The following PCMTD2 variants were observed in gnomAD, a reference collection of about 807,000 sequenced individuals.
PCMTD2 encodes the protein protein-L-isoaspartate (D-aspartate) O-methyltransferase domain containing 2.
A neutral mutation model predicts 33.4 loss-of-function variants in PCMTD2; 16 were observed. The ratio of observed to expected loss-of-function variants is 0.48; its 90% CI spans 0.32 to 0.73. The LOEUF (loss-of-function observed/expected upper bound fraction) is 0.73. Ranked by LOEUF, PCMTD2 falls within the 30% of genes least tolerant of loss-of-function variation. The pLI, the probability that PCMTD2 is intolerant of heterozygous loss-of-function variation, is 0.03. For missense variants in PCMTD2, 374 were observed against 449.9 expected (o/e 0.83, Z 1.53); for synonymous variants, 161 against 160.8 (o/e 1.00, Z -0.01).
chr20:64,270,752 A>C (rs958279199), intron 5 of PCMTD2, among the ~76,000 whole-genome samples: 1 of 145,242 alleles, frequency 6.9e-6, no homozygotes, highest in African/African-American at 2.7e-5. Context: ...AGGGCACGTG[A>C]GGTGTTCGTT....
rs772493305 is a variant in PCMTD2 at position 64,264,474 on chromosome 20, T to TA, written c.354dup (p.Glu119ArgfsTer15). The TA allele has an allele frequency of 1.2e-6, 2 of 1,607,854 alleles. No homozygotes were observed. Among genetic ancestry groups the TA allele is most frequent in the Non-Finnish European group, 1.7e-6 (2 of 1,174,330 alleles). ...GGGGTGGAACTTCACTCAGATGTGA[T>TA]AGAGTATGCAAAGCAGAAACTGGAC... On this transcript the variant is annotated frameshift_variant, in exon 3 of 6. Transcript: ENST00000308824. LOFTEE classifies it high-confidence loss of function.
intron 1 of PCMTD2, among the ~76,000 whole-genome samples, chr20:64,257,947 GA>G (rs1211881244): frequency 2.0e-5 from 3 of 152,186 alleles, no homozygotes; most frequent in African/African-American, 4.8e-5. Flanking sequence ...GTGGTACCTG[GA>G]AAAAGGTGCT....
chr20:64,262,275 G>A (rs904597327), intron 2 of PCMTD2, among the ~76,000 whole-genome samples: 1 of 152,010 alleles, frequency 6.6e-6, no homozygotes, highest in African/African-American at 2.4e-5. Flanking sequence ...AAAAAAGTAA[G>A]CCTGAAATGG....
chr20:64,264,965 G>C (rs776172588), intron 3 of PCMTD2, among the ~76,000 whole-genome samples: 3 of 152,360 alleles, frequency 2.0e-5, no homozygotes, highest in Non-Finnish European at 4.4e-5. Flanking sequence ...TCTTACATAA[G>C]ATGATAAGAA....
At chr20:64,269,244 C>T (rs1218869096) in intron 5 of PCMTD2, among the ~76,000 whole-genome samples, 1 of 152,186 alleles carries the variant, frequency 6.6e-6, no homozygotes, top group Non-Finnish European at 1.5e-5. Context: ...ATCAGAATAA[C>T]CTTTTAAGTA....
In PCMTD2 at chr20:64,276,070, T is replaced by C. The variant is rs1008114428; in HGVS notation, c.*2470T>C. On this transcript the variant is annotated 3_prime_UTR_variant, in exon 6 of 6. Transcript: ENST00000308824. Reference sequence around the variant, plus strand: ...TGTGTAGGATTCCAATTCTTGAATATGTTCTTTTCAAAATCTTAAGAAAAG... The same window carrying C: ...TGTGTAGGATTCCAATTCTTGAATACGTTCTTTTCAAAATCTTAAGAAAAG... 5 of 152,228 alleles carry C rather than the reference T, an allele frequency of 3.3e-5. No homozygotes were observed. Among genetic ancestry groups the C allele is most frequent in the African/African-American group, 4.8e-5 (2 of 41,456 alleles). 9.4% of individuals were successfully genotyped at this position (152,228 alleles called of 1,614,324 possible).
intron 2 of PCMTD2, among the ~76,000 whole-genome samples, chr20:64,260,682 T>C (rs1462812545): frequency 6.6e-6 from 1 of 151,984 alleles, no homozygotes; most frequent in African/African-American, 2.4e-5. Flanking sequence ...TTCGGAGTAC[T>C]TCTAAGCAGT....
At chr20:64,264,610 A>G in intron 3 of PCMTD2, 79 bp downstream of exon 3, 1 of 749,144 alleles carries the variant, frequency 1.3e-6, no homozygotes, top group East Asian at 2.5e-5. Context: ...GAAAGAAATC[A>G]TGTGGTAGGA....
At position 64,263,758 on chromosome 20, in the gene PCMTD2, T is replaced by C. The variant is rs567965756; in HGVS notation, c.308-671T>C. Among the ~76,000 whole-genome samples, 5 of 152,330 alleles carry C rather than the reference T, an allele frequency of 3.3e-5. No individual in the cohort carries two copies. The South Asian group carries it at 1.0e-3, about 32-fold the overall frequency. The stretch of plus-strand genomic sequence containing the variant: ...AGTGTTGCATCTTCCAGAAAGGTGA[T>C]GACCGTTTTGCCTTTGTCGGCAAAG... On this transcript the variant is annotated intron_variant, in intron 2 of 5. Coordinates refer to ENST00000308824, the MANE Select transcript of PCMTD2 (RefSeq NM_018257.3).
Position 64,273,799 on chromosome 20 carries a change from T to A in PCMTD2, c.*199T>A. 1 of 442,930 alleles carries A rather than the reference T, an allele frequency of 2.3e-6. No homozygotes were observed. The highest frequency in any genetic ancestry group is 3.3e-5 in the East Asian group (1 of 30,006). The allele number at this position is 442,930 out of a possible 1,614,324, so 27.4% of individuals were successfully genotyped here. A position where few individuals can be genotyped will look rare whatever the true frequency, so the allele number is the denominator to read the frequency against. ...CAGTTGTATGATTTGTTTACATAGT[T>A]CCACAAGACCTTCATTGCATAGAAG... is the stretch of plus-strand genomic sequence containing the variant. On this transcript the variant is annotated 3_prime_UTR_variant, in exon 6 of 6. Transcript: ENST00000308824.
chr20:64,264,531 A>G lies in PCMTD2; in HGVS notation c.410A>G (p.Lys137Arg), dbSNP rs1484766693. 6.8e-7 allele frequency: 1 copy of G among 1,463,272 alleles called. No homozygotes were observed. Among genetic ancestry groups the G allele is most frequent in the Non-Finnish European group, 9.6e-7 (1 of 1,042,948 alleles). The allele number at this position is 1,463,272 out of a possible 1,614,324, so 90.6% of individuals were successfully genotyped here. ...FFIRTSDSFD[K>R]FDFCEPSFVT... The stretch of plus-strand genomic sequence containing the variant: ...ATCAGAACAAGTGATAGTTTTGACA[A>G]GTAAGATGAAATACTATCCATTGGC... The change falls in exon 3 of 6, where the codon AAG becomes AGG. Residue 137 changes from lysine (K) to arginine (R), a missense_variant and splice_region_variant. Coordinates refer to ENST00000308824, the MANE Select transcript of PCMTD2 (RefSeq NM_018257.3).
At chr20:64,260,706 G>GTTT (rs10585176) in intron 2 of PCMTD2, among the ~76,000 whole-genome samples, 16 of 117,572 alleles carry the variant, frequency 1.4e-4, no homozygotes, top group South Asian at 2.7e-4. Context: ...TGTTTTGTTG[G>GTTT]TTTTTTTTTT....
At chr20:64,267,841 ATAG>A (rs1371377254) in intron 4 of PCMTD2, 43 bp from the exon 5 acceptor site, 1 of 1,567,298 alleles carries the variant, frequency 6.4e-7, no homozygotes, top group East Asian at 2.2e-5. Flanking sequence ...TATGAGCTAA[ATAG>A]TAGCCAATTC....
intron 5 of PCMTD2, among the ~76,000 whole-genome samples, chr20:64,270,318 T>C (rs1408202940): frequency 7.0e-6 from 1 of 142,542 alleles, no homozygotes; most frequent in African/African-American, 2.7e-5. Flanking sequence ...ATCGTGTGAG[T>C]GCACAGTGGG....
chr20:64,273,350 G>A lies in PCMTD2; in HGVS notation c.836G>A (p.Arg279Gln), dbSNP rs139861996. ...NGLKNTPRFK[R>Q]RRVRRRRMET... ...CTAAAGAACACCCCCAGGTTTAAAC[G>A]AAGGAGAGTTCGCCGCCGTCGAATG... The change falls in exon 6 of 6, where the codon CGA becomes CAA. Residue 279 changes from arginine (R) to glutamine (Q), a missense_variant. Arg to Gln is a conservative substitution (Grantham distance 43). Coordinates refer to ENST00000308824, the MANE Select transcript of PCMTD2 (RefSeq NM_018257.3). 2.1e-4 allele frequency: 342 copies of A among 1,614,148 alleles called. No individual in the cohort carries two copies. In the East Asian group the frequency reaches 3.0e-3, roughly 14 times the overall value.
At chr20:64,269,089 T>C (rs73327779) in intron 5 of PCMTD2, among the ~76,000 whole-genome samples, 15,542 of 152,146 alleles carry the variant, frequency 0.1, 1,613 homozygotes, top group African/African-American at 0.26. Flanking sequence ...ACTACTGGTA[T>C]GTAGGTTAGA....
intron 4 of PCMTD2, 132 bp from the exon 5 acceptor site, chr20:64,267,755 G>A: frequency 1.4e-6 from 1 of 706,390 alleles, no homozygotes; most frequent in Non-Finnish European, 2.3e-6. Flanking sequence ...TCACATTAGG[G>A]GTCCGTATGT....
At position 64,260,249 on chromosome 20, in the gene PCMTD2, G is replaced by C. The variant is rs1233542276; in HGVS notation, c.284G>C (p.Ser95Thr). 1 of 1,612,140 alleles carries C rather than the reference G, an allele frequency of 6.2e-7. No individual in the cohort carries two copies. The highest frequency in any genetic ancestry group is 1.7e-5 in the Admixed American group (1 of 60,010). The change falls in exon 2 of 6, where the codon AGC becomes ACC. Residue 95 changes from serine to threonine, a missense_variant. Ser to Thr is a moderately conservative substitution (Grantham distance 58). Transcript: ENST00000308824. ...CTGGGCAGTGGCACTGGGTATCTCA[G>C]CTCCATGGTGGGCCTCATTCTAGGT... is the stretch of plus-strand genomic sequence containing the variant. ...LNLGSGTGYL[S>T]SMVGLILGPF...
At chr20:64,256,446 G>A (rs1985171897) in intron 1 of PCMTD2, 1 of 152,158 alleles carries the variant, frequency 6.6e-6, no homozygotes, top group Admixed American at 6.5e-5. Context: ...ATGAATGTTT[G>A]CTCCAGCGTT....
Sources: gnomAD v4.1 joint callset for allele counts (sites outside exome capture counted in the v4.1 genomes callset) on GRCh38, gnomAD v4.1.1 for gene constraint, MANE v1.5 for transcripts, NCBI Gene and HGNC (gene_info 2026-07-23, HGNC 2026-07-21) for gene names.